The following RPS6KA2 variants were observed in gnomAD, a reference collection of about 807,000 sequenced individuals.
RPS6KA2 encodes ribosomal protein S6 kinase A2.
RPS6KA2 carries 42 observed loss-of-function variants against 91.8 expected under a neutral mutation model. The ratio of observed to expected loss-of-function variants is 0.46; its 90% CI spans 0.36 to 0.59. The LOEUF is 0.59. Among genes scored for constraint, RPS6KA2 ranks in the 20% least tolerant of loss-of-function variants. The pLI is 0.00. For missense variants in RPS6KA2, 798 were observed against 978.5 expected (o/e 0.82, Z 2.46); for synonymous variants, 414 against 393.6 (o/e 1.05, Z -0.61).
chr6:166,438,989 T>C (rs971541042), intron 14 of RPS6KA2, among the ~76,000 whole-genome samples: 2 of 152,148 alleles, frequency 1.3e-5, no homozygotes, highest in Non-Finnish European at 2.9e-5. Context: ...CAGAAAGAAA[T>C]GGATTCCAAA....
intron 1 of RPS6KA2, among the ~76,000 whole-genome samples, chr6:166,579,321 G>C (rs893912092): frequency 6.6e-6 from 1 of 152,180 alleles, no homozygotes; most frequent in Admixed American, 6.5e-5. Flanking sequence ...GGTGCGACCT[G>C]CATTCTGTAC....
intron 2 of RPS6KA2, among the ~76,000 whole-genome samples, chr6:166,788,218 A>G (rs902744607): frequency 3.3e-5 from 5 of 152,336 alleles, no homozygotes; most frequent in African/African-American, 1.2e-4. Context: ...AGAAATGGGA[A>G]TGCTTTTATG....
intron 1 of RPS6KA2, among the ~76,000 whole-genome samples, chr6:166,548,524 C>T (rs1244854606): frequency 1.3e-5 from 2 of 152,006 alleles, no homozygotes; most frequent in African/African-American, 2.4e-5. Context: ...GAATAGAGGA[C>T]CCAGGAATAG....
chr6:166,591,166 G>T (rs1281652051), intron 1 of RPS6KA2, among the ~76,000 whole-genome samples: 1 of 152,240 alleles, frequency 6.6e-6, no homozygotes, highest in African/African-American at 2.4e-5. Flanking sequence ...ATAGATGCAG[G>T]TGATGGAAAA....
intron 1 of RPS6KA2, among the ~76,000 whole-genome samples, chr6:166,560,171 C>T (rs1784299670): frequency 6.6e-6 from 1 of 152,154 alleles, no homozygotes; most frequent in Non-Finnish European, 1.5e-5. Context: ...TGGAAAGAAG[C>T]CACCAATGAA....
intron 2 of RPS6KA2, among the ~76,000 whole-genome samples, chr6:166,761,027 C>T (rs1488428851): frequency 1.3e-5 from 2 of 152,138 alleles, no homozygotes; most frequent in Non-Finnish European, 2.9e-5. Context: ...TGTGAGTTTG[C>T]GAACTGAATG....
At chr6:166,685,965 C>T (rs1202441561) in intron 2 of RPS6KA2, among the ~76,000 whole-genome samples, 2 of 152,124 alleles carry the variant, frequency 1.3e-5, no homozygotes, top group African/African-American at 2.4e-5. Flanking sequence ...GGACAGAGGG[C>T]GAACGAAGGG....
At chr6:166,854,679 C>G (rs1278613094) in intron 2 of RPS6KA2, among the ~76,000 whole-genome samples, 1 of 152,092 alleles carries the variant, frequency 6.6e-6, no homozygotes, top group East Asian at 1.9e-4. Context: ...AAATTTCTTT[C>G]TTTTTCAAAA....
At chr6:166,647,162 A>AT (rs112630610) in intron 2 of RPS6KA2, among the ~76,000 whole-genome samples, 32,640 of 149,644 alleles carry the variant, frequency 0.22, 4,215 homozygotes, top group African/African-American at 0.38. Context: ...GTGTTCTCCT[A>AT]TTTTTTTTTT....
intron 2 of RPS6KA2, among the ~76,000 whole-genome samples, chr6:166,830,875 C>T (rs1436744121): frequency 6.6e-6 from 1 of 152,164 alleles, no homozygotes; most frequent in East Asian, 1.9e-4. Flanking sequence ...AGATTTGGGA[C>T]ATTATTGTTT....
intron 2 of RPS6KA2, among the ~76,000 whole-genome samples, chr6:166,750,753 A>C (rs1791256613): frequency 6.6e-6 from 1 of 152,182 alleles, no homozygotes; most frequent in African/African-American, 2.4e-5. Flanking sequence ...CCAGAAAGAG[A>C]AGAGTGACAA....
intron 2 of RPS6KA2, among the ~76,000 whole-genome samples, chr6:166,538,128 A>G (rs938079638): frequency 6.6e-6 from 1 of 152,212 alleles, no homozygotes; most frequent in African/African-American, 2.4e-5. Context: ...TCCATGGAAC[A>G]ACTGTATAAA....
chr6:166,814,122 A>C (rs1265440445), intron 2 of RPS6KA2, among the ~76,000 whole-genome samples: 1 of 152,234 alleles, frequency 6.6e-6, no homozygotes, highest in African/African-American at 2.4e-5. Flanking sequence ...TTTATGCCTA[A>C]ATTTTTATTG....
intron 3 of RPS6KA2, among the ~76,000 whole-genome samples, 163 bp downstream of exon 3, chr6:166,531,069 T>C (rs112257478): frequency 2.0e-5 from 3 of 152,376 alleles, no homozygotes; most frequent in African/African-American, 7.2e-5. Context: ...TAAATATTCA[T>C]GGAAATGTTT....
intron 1 of RPS6KA2, among the ~76,000 whole-genome samples, chr6:166,619,986 A>T (rs1013212563): frequency 1.3e-5 from 2 of 152,200 alleles, no homozygotes; most frequent in African/African-American, 4.8e-5. Flanking sequence ...CTCACAGTTT[A>T]ATGAGTAAAA....
intron 2 of RPS6KA2, among the ~76,000 whole-genome samples, chr6:166,684,322 T>C (rs1402043966): frequency 1.3e-5 from 2 of 152,160 alleles, no homozygotes; most frequent in Admixed American, 6.5e-5. Flanking sequence ...TTCCTAGAAA[T>C]TTCTGCATAA....
intron 2 of RPS6KA2, among the ~76,000 whole-genome samples, chr6:166,681,133 C>T (rs1788794538): frequency 6.6e-6 from 1 of 152,198 alleles, no homozygotes; most frequent in Admixed American, 6.5e-5. Flanking sequence ...AGCGCCAGAG[C>T]ACAGATCTAG....
intron 2 of RPS6KA2, among the ~76,000 whole-genome samples, chr6:166,688,642 G>A (rs60390151): frequency 0.045 from 6,883 of 152,314 alleles, 527 homozygotes; most frequent in African/African-American, 0.16. Context: ...CCAGGTAGGG[G>A]GCGGGAAGGC....
At chr6:166,561,891 G>C (rs1784356277) in intron 1 of RPS6KA2, among the ~76,000 whole-genome samples, 1 of 152,134 alleles carries the variant, frequency 6.6e-6, no homozygotes, top group Non-Finnish European at 1.5e-5. Context: ...ACAGCATGAG[G>C]GAGGAGAGAG....
Sources: allele counts gnomAD v4.1 joint callset (sites outside exome capture counted in the v4.1 genomes callset), GRCh38; gene constraint gnomAD v4.1.1; transcripts MANE v1.5; gene names NCBI Gene and HGNC (gene_info 2026-07-23, HGNC 2026-07-21).